PRDM1: variants seen among roughly 807,000 people sequenced by gnomAD.
The protein encoded by PRDM1 is PR/SET domain 1.
In PRDM1, 13 loss-of-function variants were observed where a neutral mutation model predicts 62.8. The observed-to-expected ratio is 0.21, with a 90% CI of 0.13 to 0.33. The LOEUF is 0.33. Among genes scored for constraint, PRDM1 ranks in the 10% least tolerant of loss-of-function variants. PRDM1 has a pLI of 1.00. For synonymous variants in PRDM1, 396 were observed against 417.6 expected (o/e 0.95, Z 0.63); for missense variants, 895 against 1,058.8 (o/e 0.85, Z 2.15).
intron 4 of PRDM1, among the ~76,000 whole-genome samples, chr6:106,100,781 C>T (rs550888357): frequency 1.2e-4 from 18 of 152,188 alleles, no homozygotes; most frequent in African/African-American, 4.3e-4. Flanking sequence ...CAGGACCTCC[C>T]CCGTAGGGGA....
Position 106,109,743 on chromosome 6 carries a change from A to G in PRDM1, c.*2257A>G. The G allele has an allele frequency of 4.3e-6, 1 of 233,286 alleles. No homozygotes were observed. The highest frequency in any genetic ancestry group is 8.5e-6 in the Non-Finnish European group (1 of 117,738). 14.5% of individuals were successfully genotyped at this position (233,286 alleles called of 1,614,324 possible). ...TCCATCCTTCTCTTTTCTGCCTCTT[A>G]CATGTGAATGTTGAGCCCACAATCA... On this transcript the variant is annotated 3_prime_UTR_variant, in exon 7 of 7. Transcript: ENST00000369096.
rs576743618 is a variant in PRDM1 at position 106,097,344 on chromosome 6, G to C, written c.411+1610G>C. On this transcript the variant is annotated intron_variant, in intron 3 of 6. Coordinates refer to ENST00000369096, the MANE Select transcript of PRDM1 (RefSeq NM_001198.4). ...AGTACCTAAGAATCTCCCCCTCACT[G>C]TCCAGTTCCCTGTTTCATTTAAAGA... Among the ~76,000 whole-genome samples the C allele has an allele frequency of 3.3e-5, 5 of 152,348 alleles. No individual in the cohort carries two copies. In the South Asian group the frequency reaches 8.3e-4, roughly 25 times the overall value.
intron 3 of PRDM1, chr6:106,098,796 A>G: frequency 1.3e-6 from 2 of 1,503,606 alleles, no homozygotes; most frequent in Non-Finnish European, 9.0e-7. Flanking sequence ...ATGTTTGCAT[A>G]GTTGAAGCCT....
chr6:106,068,388 G>A (rs774078551), intron 1 of PRDM1, among the ~76,000 whole-genome samples: 8 of 152,202 alleles, frequency 5.3e-5, no homozygotes, highest in Non-Finnish European at 1.0e-4. Flanking sequence ...CACCGTGCCT[G>A]GCCCACCCTG....
chr6:106,098,914 A>G (rs1348551036), intron 3 of PRDM1: 2 of 1,512,606 alleles, frequency 1.3e-6, no homozygotes, highest in Non-Finnish European at 1.8e-6. Context: ...CAAAGCACTA[A>G]AAGTCAGCAT....
intron 1 of PRDM1, among the ~76,000 whole-genome samples, chr6:105,995,765 A>C (rs141003350): frequency 6.6e-6 from 1 of 152,022 alleles, no homozygotes; most frequent in Non-Finnish European, 1.5e-5. Flanking sequence ...TTCTTTAATT[A>C]GGAGGCACAA....
At chr6:106,068,993 T>C (rs1311538057) in intron 1 of PRDM1, among the ~76,000 whole-genome samples, 3 of 152,172 alleles carry the variant, frequency 2.0e-5, no homozygotes, top group African/African-American at 2.4e-5. Flanking sequence ...GTCTATCTAG[T>C]GGTGTGGGGT....
chr6:106,007,036 A>G (rs889040187), intron 1 of PRDM1, among the ~76,000 whole-genome samples: 2 of 151,882 alleles, frequency 1.3e-5, no homozygotes, highest in African/African-American at 4.8e-5. Flanking sequence ...TCACTATCAC[A>G]TCTGACTTGA....
At chr6:106,086,203 C>T, upstream of PRDM1, 1 of 335,378 alleles carries the variant, frequency 3.0e-6, no homozygotes, top group Non-Finnish European at 5.4e-6. Flanking sequence ...AGGAAGCTCT[C>T]GGCGGCTGTG....
chr6:106,049,159 T>C (rs1471070400), intron 1 of PRDM1, among the ~76,000 whole-genome samples: 2 of 152,132 alleles, frequency 1.3e-5, no homozygotes, highest in African/African-American at 4.8e-5. Context: ...CAGCAGAGAA[T>C]GTGGGCACGA....
intron 1 of PRDM1, among the ~76,000 whole-genome samples, chr6:106,033,184 G>A (rs1224344556): frequency 2.0e-5 from 3 of 151,812 alleles, no homozygotes; most frequent in Non-Finnish European, 4.4e-5. Context: ...CTGTCATCAA[G>A]GCTGAAGTGC....
At position 106,095,625 on chromosome 6, in the gene PRDM1, T is replaced by C; in HGVS notation, c.302T>C (p.Val101Ala). 6.2e-7 allele frequency: 1 copy of C among 1,613,900 alleles called. No individual in the cohort carries two copies. Among genetic ancestry groups the C allele is most frequent in the Admixed American group, 1.7e-5 (1 of 60,002 alleles). Residue 101 changes from valine (V) to alanine (A), a missense_variant, in exon 3 of 7, where the codon GTG (valine) becomes GCG (alanine). Physicochemically the swap from Val to Ala is moderately conservative, Grantham distance 64. Around this residue, in one of 4 missense-constraint regions of PRDM1, gnomAD observed 213 missense variants for 283.9 expected, o/e 0.75. Transcript: ENST00000369096. Reference sequence around the variant, plus strand: ...TTTTTTCCTGTTTAGGTTATTGGAGTGATGAGTAAAGAATACATACCAAAG... The same window carrying C: ...TTTTTTCCTGTTTAGGTTATTGGAGCGATGAGTAAAGAATACATACCAAAG... The part of the protein sequence containing the change: ...YATNSEEVIG[V>A]MSKEYIPKGT...
intron 1 of PRDM1, among the ~76,000 whole-genome samples, chr6:106,029,008 C>T (rs575618967): frequency 2.0e-5 from 3 of 150,998 alleles, no homozygotes; most frequent in Non-Finnish European, 4.4e-5. Context: ...GCAACCTCCA[C>T]CTCCTGGGTT....
At chr6:106,072,557 C>A (rs977589446) in intron 1 of PRDM1, among the ~76,000 whole-genome samples, 1 of 152,226 alleles carries the variant, frequency 6.6e-6, no homozygotes. Context: ...CACAGTTAGT[C>A]CCACAGTCTT....
At chr6:106,093,336 C>T (rs1338343245) in intron 2 of PRDM1, among the ~76,000 whole-genome samples, 1 of 152,174 alleles carries the variant, frequency 6.6e-6, no homozygotes, top group Non-Finnish European at 1.5e-5. Flanking sequence ...CAGTGCAGTG[C>T]TCCGTTTTGG....
chr6:106,043,331 G>A (rs2114577120), intron 1 of PRDM1, among the ~76,000 whole-genome samples: 1 of 152,236 alleles, frequency 6.6e-6, no homozygotes, highest in East Asian at 1.9e-4. Context: ...TAAGCTCCAT[G>A]GAGGGCAAAG....
chr6:105,996,753 T>C (rs908716535), intron 1 of PRDM1, among the ~76,000 whole-genome samples: 2 of 152,198 alleles, frequency 1.3e-5, no homozygotes, highest in African/African-American at 4.8e-5. Context: ...TCTGTCTTCT[T>C]GGGATTCTAT....
chr6:105,993,775 G>A (rs967386787), intron 1 of PRDM1, among the ~76,000 whole-genome samples: 1 of 152,220 alleles, frequency 6.6e-6, no homozygotes, highest in Non-Finnish European at 1.5e-5. Context: ...AAGAGTGGTG[G>A]TATGGGGCTC....
chr6:106,062,480 T>C (rs1164305356), intron 1 of PRDM1, among the ~76,000 whole-genome samples: 2 of 152,160 alleles, frequency 1.3e-5, no homozygotes, highest in Non-Finnish European at 2.9e-5. Flanking sequence ...CTCTGCACAG[T>C]TGTTGATGGG....
Sources: allele counts gnomAD v4.1 joint callset (sites outside exome capture counted in the v4.1 genomes callset), GRCh38; gene constraint gnomAD v4.1.1; regional missense constraint gnomAD v4.1.1; transcripts MANE v1.5; gene names NCBI Gene and HGNC (gene_info 2026-07-23, HGNC 2026-07-21).